The following ITGBL1 variants were observed in gnomAD, a reference collection of about 807,000 sequenced individuals.
ITGBL1 encodes the protein integrin subunit beta like 1, also known as integrin beta-like protein 1.
In ITGBL1, 51 loss-of-function variants were observed where a neutral mutation model predicts 68.5. The observed-to-expected ratio is 0.74, with a 90% CI of 0.59 to 0.94. ITGBL1 has a LOEUF of 0.94. Ranked by LOEUF, ITGBL1 falls within the 40% of genes least tolerant of loss-of-function variation. The pLI is 0.00. For synonymous variants in ITGBL1, 209 were observed against 227.3 expected, an observed-to-expected ratio of 0.92 and a Z score of 0.72; for missense variants, 649 against 647.4, an observed-to-expected ratio of 1.00 and a Z score of -0.03.
chr13:101,708,985 A>G (rs1481689513), intron 9 of ITGBL1, among the ~76,000 whole-genome samples: 1 of 152,254 alleles, frequency 6.6e-6, no homozygotes, highest in Admixed American at 6.5e-5. Flanking sequence ...CCTACCTTGA[A>G]TTCAAGCTGT....
chr13:101,709,396 A>AAAAAG (rs1348939305), intron 9 of ITGBL1, among the ~76,000 whole-genome samples: 1 of 144,818 alleles, frequency 6.9e-6, no homozygotes, highest in African/African-American at 2.5e-5. Context: ...AAAAAAAAAA[A>AAAAAG]AAGAAAAGCA....
intron 7 of ITGBL1, among the ~76,000 whole-genome samples, chr13:101,678,020 A>C (rs578128775): frequency 6.6e-6 from 1 of 152,322 alleles, no homozygotes; most frequent in East Asian, 1.9e-4. Flanking sequence ...TAACTACATA[A>C]ATTATATATA....
intron 7 of ITGBL1, among the ~76,000 whole-genome samples, chr13:101,604,885 TATACACACACACACAC>T (rs2030625086): frequency 1.7e-4 from 2 of 11,914 alleles, no homozygotes; most frequent in South Asian, 5.0e-3. Context: ...TATATATATA[TATACACACACACACAC>T]ATATATATGT....
intron 6 of ITGBL1, among the ~76,000 whole-genome samples, chr13:101,588,525 A>G (rs2050597692): frequency 6.6e-6 from 1 of 152,190 alleles, no homozygotes; most frequent in Non-Finnish European, 1.5e-5. Flanking sequence ...ACAAACCAGC[A>G]TGGAAGCATT....
intron 7 of ITGBL1, among the ~76,000 whole-genome samples, chr13:101,615,896 T>A (rs1197555923): frequency 6.6e-6 from 1 of 152,196 alleles, no homozygotes; most frequent in Non-Finnish European, 1.5e-5. Flanking sequence ...GCCATCTATG[T>A]GTAGGAAGCA....
At chr13:101,568,618 G>A (rs1458014733) in intron 3 of ITGBL1, among the ~76,000 whole-genome samples, 4 of 151,964 alleles carry the variant, frequency 2.6e-5, no homozygotes, top group African/African-American at 9.7e-5. Flanking sequence ...CCTTGACGTT[G>A]GTGGTTTTTT....
chr13:101,667,330 C>G (rs529214128), intron 7 of ITGBL1, among the ~76,000 whole-genome samples: 2 of 152,062 alleles, frequency 1.3e-5, no homozygotes, highest in Non-Finnish European at 2.9e-5. Flanking sequence ...AATATACTGA[C>G]GTTTTTGCTT....
chr13:101,647,797 G>A (rs2032611626), intron 7 of ITGBL1, among the ~76,000 whole-genome samples: 1 of 152,200 alleles, frequency 6.6e-6, no homozygotes. Flanking sequence ...GAAAAAGGGA[G>A]CCAGCTATTC....
chr13:101,515,288 A>G (rs981263252), intron 2 of ITGBL1, among the ~76,000 whole-genome samples: 38 of 152,190 alleles, frequency 2.5e-4, no homozygotes, highest in African/African-American at 9.1e-4. Flanking sequence ...ACAATTTTTT[A>G]TCACAAGCTA....
intron 7 of ITGBL1, among the ~76,000 whole-genome samples, chr13:101,671,448 T>G (rs2033368212): frequency 1.1e-5 from 1 of 88,142 alleles, no homozygotes; most frequent in African/African-American, 6.3e-5. Context: ...TTTTTTTTTG[T>G]TTTTTTTTGA....
chr13:101,576,147 G>A lies in ITGBL1; in HGVS notation c.586+601G>A, dbSNP rs78767879. On this transcript the variant is annotated intron_variant, in intron 4 of 10. Coordinates refer to ENST00000376180, the MANE Select transcript of ITGBL1 (RefSeq NM_004791.3). ...TGTTTTGTCTCACAACATCACTCTAGGCTAAGAATTATGTTTATCTACATA... is the reference window on the plus strand; with the variant it reads ...TGTTTTGTCTCACAACATCACTCTAAGCTAAGAATTATGTTTATCTACATA... 9.2e-3 allele frequency among the ~76,000 whole-genome samples: 1,395 copies of A among 152,208 alleles called. 19 individuals carry two copies. The highest frequency in any genetic ancestry group is 0.032 in the African/African-American group (1,321 of 41,530).
At chr13:101,626,994 C>G (rs922217248) in intron 7 of ITGBL1, among the ~76,000 whole-genome samples, 1 of 152,142 alleles carries the variant, frequency 6.6e-6, no homozygotes, top group Non-Finnish European at 1.5e-5. Context: ...CACTTATAGG[C>G]TGTATGACTT....
At chr13:101,633,197 G>A (rs1046737589) in intron 7 of ITGBL1, among the ~76,000 whole-genome samples, 5 of 152,182 alleles carry the variant, frequency 3.3e-5, no homozygotes, top group Admixed American at 6.5e-5. Flanking sequence ...TGGGACCACC[G>A]TCTGAGTTCA....
chr13:101,621,487 G>T (rs9300687), intron 7 of ITGBL1, among the ~76,000 whole-genome samples: 2 of 151,954 alleles, frequency 1.3e-5, no homozygotes, highest in East Asian at 3.9e-4. Context: ...TTCAGGGTTA[G>T]AGCCCTTCTT....
At position 101,615,214 on chromosome 13, in the gene ITGBL1, CTTCTCCT is replaced by C. The variant is rs1028696843; in HGVS notation, c.1015+16922_1015+16928del. Among the ~76,000 whole-genome samples, 236 of 152,192 alleles carry C rather than the reference CTTCTCCT, an allele frequency of 1.6e-3. 4 individuals are homozygous for C. Among genetic ancestry groups the C allele is most frequent in the Admixed American group, 0.015 (233 of 15,292 alleles). Reference sequence around the variant, plus strand: ...CTGCCTCTCTGTGTGTCCAAGCTCCCTTCTCCTTTCTCCCATAAGCACAATAGTCTTC... The same window carrying C: ...CTGCCTCTCTGTGTGTCCAAGCTCCCTTCTCCCATAAGCACAATAGTCTTC... On this transcript the variant is annotated intron_variant, in intron 7 of 10. Coordinates refer to ENST00000376180, the MANE Select transcript of ITGBL1 (RefSeq NM_004791.3).
intron 7 of ITGBL1, among the ~76,000 whole-genome samples, chr13:101,674,222 A>G (rs1191517848): frequency 6.6e-6 from 1 of 152,214 alleles, no homozygotes; most frequent in Non-Finnish European, 1.5e-5. Flanking sequence ...CTGTGAGGAT[A>G]TCTGCTTGTC....
At chr13:101,646,916 G>C (rs1285371392) in intron 7 of ITGBL1, among the ~76,000 whole-genome samples, 1 of 152,012 alleles carries the variant, frequency 6.6e-6, no homozygotes, top group Non-Finnish European at 1.5e-5. Context: ...GCTAAATCCT[G>C]GAGTTTTATA....
At chr13:101,604,974 A>G (rs572057306) in intron 7 of ITGBL1, among the ~76,000 whole-genome samples, 21 of 127,808 alleles carry the variant, frequency 1.6e-4, no homozygotes, top group African/African-American at 5.0e-4. Context: ...ATATATACAT[A>G]TATGCGTACA....
At chr13:101,457,693 G>T (rs910988085) in intron 2 of ITGBL1, among the ~76,000 whole-genome samples, 21 of 152,124 alleles carry the variant, frequency 1.4e-4, no homozygotes, top group African/African-American at 5.1e-4. Flanking sequence ...TGTGCGCCTT[G>T]TAGTCCCAGC....
Sources: allele counts gnomAD v4.1 joint callset (sites outside exome capture counted in the v4.1 genomes callset), GRCh38; gene constraint gnomAD v4.1.1; transcripts MANE v1.5; gene names NCBI Gene and HGNC (gene_info 2026-07-23, HGNC 2026-07-21).